STX8: variants seen among roughly 807,000 people sequenced by gnomAD.
The protein encoded by STX8 is syntaxin-8.
A neutral mutation model predicts 37.5 loss-of-function variants in STX8; 23 were observed. The ratio of observed to expected loss-of-function variants is 0.61; its 90% CI spans 0.44 to 0.87. The LOEUF (loss-of-function observed/expected upper bound fraction) is 0.87. STX8 is among the 40% of genes least tolerant of loss of function. The pLI, the probability that STX8 is intolerant of heterozygous loss-of-function variation, is 0.00. For missense variants in STX8, 313 were observed against 284.7 expected (o/e 1.10, Z -0.71); for synonymous variants, 115 against 99.1 (o/e 1.16, Z -0.95).
chr17:9,463,090 T>C (rs1905463870), intron 6 of STX8, among the ~76,000 whole-genome samples: 1 of 152,158 alleles, frequency 6.6e-6, no homozygotes, highest in Non-Finnish European at 1.5e-5. Flanking sequence ...AGGAAGAATG[T>C]AAAAGAATCC....
intron 7 of STX8, among the ~76,000 whole-genome samples, chr17:9,302,281 T>C (rs1240508662): frequency 6.6e-6 from 1 of 152,172 alleles, no homozygotes; most frequent in Admixed American, 6.5e-5. Context: ...ATATGGTGGT[T>C]TTGTTTTTTT....
chr17:9,447,222 G>T (rs963662911), intron 6 of STX8, among the ~76,000 whole-genome samples: 21 of 152,282 alleles, frequency 1.4e-4, no homozygotes, highest in Middle Eastern at 3.4e-3. Flanking sequence ...TGGTAAGTGC[G>T]TTAATCTGTT....
intron 5 of STX8, among the ~76,000 whole-genome samples, chr17:9,498,241 T>C (rs1445969824): frequency 3.3e-5 from 5 of 151,960 alleles, no homozygotes; most frequent in African/African-American, 7.2e-5. Flanking sequence ...AATACAAATA[T>C]TAGCCAGATG....
At chr17:9,541,453 A>C (rs112207662) in intron 4 of STX8, among the ~76,000 whole-genome samples, 2 of 152,308 alleles carry the variant, frequency 1.3e-5, no homozygotes, top group Non-Finnish European at 2.9e-5. Context: ...ATGGAGACAC[A>C]ATGCTCCAGT....
chr17:9,327,299 A>AAG (rs1489515830), intron 7 of STX8, among the ~76,000 whole-genome samples: 2 of 135,496 alleles, frequency 1.5e-5, no homozygotes, highest in African/African-American at 7.5e-5. Context: ...GAAGAAGAAG[A>AAG]AAGAAAGAAG....
chr17:9,412,771 CAT>C (rs1390240493), intron 6 of STX8, among the ~76,000 whole-genome samples: 1 of 152,084 alleles, frequency 6.6e-6, no homozygotes, highest in Non-Finnish European at 1.5e-5. Context: ...TGTCAAAATA[CAT>C]ATTTGTTCAC....
chr17:9,562,731 C>T (rs1203292610), intron 2 of STX8, among the ~76,000 whole-genome samples: 2 of 151,954 alleles, frequency 1.3e-5, no homozygotes, highest in African/African-American at 4.8e-5. Flanking sequence ...ATGAGGTTAA[C>T]AAAAATTCAG....
At chr17:9,276,628 GTT>G (rs71361884) in intron 7 of STX8, among the ~76,000 whole-genome samples, 6 of 141,826 alleles carry the variant, frequency 4.2e-5, no homozygotes, top group African/African-American at 1.3e-4. Context: ...TTATTTGTTT[GTT>G]TTTTTTTTTT....
intron 6 of STX8, among the ~76,000 whole-genome samples, chr17:9,478,920 G>A (rs1906206093): frequency 6.6e-6 from 1 of 152,028 alleles, no homozygotes; most frequent in Non-Finnish European, 1.5e-5. Flanking sequence ...CCCTTCCACA[G>A]CCTCCTGTCC....
chr17:9,417,573 C>T (rs1913245941), intron 6 of STX8, among the ~76,000 whole-genome samples: 1 of 152,152 alleles, frequency 6.6e-6, no homozygotes, highest in Non-Finnish European at 1.5e-5. Context: ...TGTTAAGCCC[C>T]TAGCATAAAC....
At chr17:9,420,341 C>T (rs563567889) in intron 6 of STX8, among the ~76,000 whole-genome samples, 1 of 152,176 alleles carries the variant, frequency 6.6e-6, no homozygotes, top group Non-Finnish European at 1.5e-5. Context: ...AGCAGGTGTT[C>T]TCATCAATTA....
At chr17:9,372,830 G>A (rs1315207082) in intron 7 of STX8, among the ~76,000 whole-genome samples, 3 of 147,218 alleles carry the variant, frequency 2.0e-5, no homozygotes, top group Admixed American at 6.8e-5. Flanking sequence ...TGGGCCAGGC[G>A]CGGTGGCTCA....
intron 5 of STX8, among the ~76,000 whole-genome samples, chr17:9,495,783 A>G (rs983215108): frequency 1.3e-5 from 2 of 152,268 alleles, no homozygotes; most frequent in African/African-American, 4.8e-5. Context: ...AATCACATTC[A>G]TAACCTGGGC....
intron 4 of STX8, among the ~76,000 whole-genome samples, chr17:9,532,818 T>C (rs1905870207): frequency 6.6e-6 from 1 of 152,276 alleles, no homozygotes; most frequent in Non-Finnish European, 1.5e-5. Flanking sequence ...GTACACATTA[T>C]ATGGCTGGTA....
At chr17:9,491,470 A>G (rs1216944300) in intron 6 of STX8, among the ~76,000 whole-genome samples, 2 of 152,186 alleles carry the variant, frequency 1.3e-5, no homozygotes, top group Non-Finnish European at 2.9e-5. Context: ...GAAGAAGAGC[A>G]AACTCCACCG....
At chr17:9,277,200 A>T (rs1305118804) in intron 7 of STX8, among the ~76,000 whole-genome samples, 1 of 152,188 alleles carries the variant, frequency 6.6e-6, no homozygotes, top group Non-Finnish European at 1.5e-5. Context: ...TTCATGACTT[A>T]AAAATGAGTA....
intron 6 of STX8, among the ~76,000 whole-genome samples, chr17:9,446,439 C>A (rs1006370911): frequency 3.9e-5 from 6 of 152,184 alleles, no homozygotes; most frequent in African/African-American, 1.2e-4. Flanking sequence ...ATTACCACCA[C>A]GTCCACAGTT....
intron 7 of STX8, among the ~76,000 whole-genome samples, chr17:9,329,312 T>C (rs1909886503): frequency 6.6e-6 from 1 of 152,144 alleles, no homozygotes; most frequent in Admixed American, 6.6e-5. Flanking sequence ...ATGGCAACAA[T>C]ATTCTACATT....
chr17:9,559,012 T>C (rs921504545), intron 2 of STX8, among the ~76,000 whole-genome samples: 1 of 151,942 alleles, frequency 6.6e-6, no homozygotes, highest in Non-Finnish European at 1.5e-5. Flanking sequence ...TCACAGCTTA[T>C]GAAAAAAACA....
Sources: gnomAD v4.1 joint callset for allele counts (sites outside exome capture counted in the v4.1 genomes callset) on GRCh38, gnomAD v4.1.1 for gene constraint, MANE v1.5 for transcripts, NCBI Gene and HGNC (gene_info 2026-07-23, HGNC 2026-07-21) for gene names.